INTU: variants seen among roughly 807,000 people sequenced by gnomAD.
The protein encoded by INTU is inturned planar cell polarity protein.
In INTU, 68 loss-of-function variants were observed where a neutral mutation model predicts 100.5. That is an observed-to-expected ratio of 0.68 (90% CI 0.56 to 0.83). The LOEUF (loss-of-function observed/expected upper bound fraction) is 0.83, where lower values mean the gene tolerates loss of function less well. Among genes scored for constraint, INTU ranks in the 40% least tolerant of loss-of-function variants. INTU has a pLI of 0.00. For missense variants in INTU, 1,071 were observed against 1,114.7 expected (o/e 0.96, Z 0.56); for synonymous variants, 357 against 395.7 (o/e 0.90, Z 1.16).
At position 127,669,033 on chromosome 4, in the gene INTU, C is replaced by G; in HGVS notation, c.973-3C>G. On this transcript the variant is annotated splice_polypyrimidine_tract_variant and splice_region_variant and intron_variant, in intron 4 of 15. Coordinates refer to ENST00000335251, the MANE Select transcript of INTU (RefSeq NM_015693.4). The stretch of plus-strand genomic sequence containing the variant: ...TGGTTTGATCATTTGTTTCATTTAA[C>G]AGCAGGAAATTCTTTATCATTATCC... 1.5e-6 allele frequency: 2 copies of G among 1,342,162 alleles called. No homozygotes were observed. The highest frequency in any genetic ancestry group is 2.1e-6 in the Non-Finnish European group (2 of 966,240). 83.1% of individuals were successfully genotyped at this position (1,342,162 alleles called of 1,614,324 possible).
At chr4:127,651,371 A>C (rs1230375333) in intron 2 of INTU, among the ~76,000 whole-genome samples, 2 of 152,196 alleles carry the variant, frequency 1.3e-5, no homozygotes, top group Non-Finnish European at 2.9e-5. Context: ...TTAAGGCTTT[A>C]ATCCATCTTG....
chr4:127,646,242 CA>C (rs1727583153), intron 2 of INTU, among the ~76,000 whole-genome samples: 1 of 151,052 alleles, frequency 6.6e-6, no homozygotes, highest in Non-Finnish European at 1.5e-5. Context: ...ATGACTGGAA[CA>C]GGGGCTAATA....
chr4:127,661,424 T>C (rs1486540893), intron 3 of INTU, among the ~76,000 whole-genome samples: 1 of 152,164 alleles, frequency 6.6e-6, no homozygotes, highest in African/African-American at 2.4e-5. Context: ...CTGGGAAAGA[T>C]GCCTTCCTTG....
rs867337039 is a variant in INTU, at chr4:127,645,464, T to A, written c.682+1408T>A. ...CATCTGCCTGTAACTGCATGAGGAATCCCAAGTGAGAACCACAGCTGACCC... is the reference window on the plus strand; with the variant it reads ...CATCTGCCTGTAACTGCATGAGGAAACCCAAGTGAGAACCACAGCTGACCC... On this transcript the variant is annotated intron_variant, in intron 2 of 15. Coordinates refer to ENST00000335251, the MANE Select transcript of INTU (RefSeq NM_015693.4). Among the ~76,000 whole-genome samples the A allele has an allele frequency of 3.3e-5, 5 of 152,100 alleles. No individual in the cohort carries two copies. In the East Asian group the frequency reaches 7.7e-4, roughly 23 times the overall value.
chr4:127,658,081 A>G (rs903278620), intron 3 of INTU, among the ~76,000 whole-genome samples: 17 of 152,186 alleles, frequency 1.1e-4, no homozygotes, highest in African/African-American at 4.1e-4. Context: ...TCTCAGCTGC[A>G]TCTGATTTGA....
intron 6 of INTU, among the ~76,000 whole-genome samples, chr4:127,679,782 A>T (rs1729428791): frequency 6.7e-6 from 1 of 149,862 alleles, no homozygotes; most frequent in Non-Finnish European, 1.5e-5. Flanking sequence ...ATAGAGACAC[A>T]AAAAACCCTT....
rs1307734549 is a variant in INTU, at chr4:127,683,019, G to A, written c.1182-1390G>A. ...CAACCACACTCTGATGACACCAGCC[G>A]AATCAGCTAGGCAGAGACAGTTTCC... On this transcript the variant is annotated intron_variant, in intron 6 of 15. Transcript: ENST00000335251. Among the ~76,000 whole-genome samples the A allele has an allele frequency of 1.4e-4, 21 of 152,240 alleles. 1 individual carries two copies. The highest frequency in any genetic ancestry group is 3.9e-4 in the East Asian group (2 of 5,172).
Position 127,656,683 on chromosome 4 carries a change from A to G in INTU, c.730A>G (p.Ile244Val), listed in dbSNP as rs1272200759. Residue 244 changes from isoleucine to valine, a missense_variant, in exon 3 of 16, where the codon ATC (isoleucine) becomes GTC (valine). Coordinates refer to ENST00000335251, the MANE Select transcript of INTU (RefSeq NM_015693.4). ...TGATGTCGATGTTACTACTGAAAACATCGAGAGAGTTCTGTCTTGCATTCC... is the reference window on the plus strand; with the variant it reads ...TGATGTCGATGTTACTACTGAAAACGTCGAGAGAGTTCTGTCTTGCATTCC... ...VNDVDVTTEN[I>V]ERVLSCIPGP... The G allele has an allele frequency of 2.5e-6, 4 of 1,611,336 alleles. No homozygotes were observed. The South Asian group carries it at 3.3e-5, about 13-fold the overall frequency.
At chr4:127,677,615 A>G (rs1305522428) in intron 6 of INTU, among the ~76,000 whole-genome samples, 1 of 152,086 alleles carries the variant, frequency 6.6e-6, no homozygotes, top group Non-Finnish European at 1.5e-5. Flanking sequence ...CACCATCATC[A>G]AAGACCAAAA....
chr4:127,664,360 T>C (rs960839867), intron 4 of INTU, among the ~76,000 whole-genome samples: 3 of 152,080 alleles, frequency 2.0e-5, no homozygotes, highest in African/African-American at 7.2e-5. Flanking sequence ...CCAGGTTACC[T>C]TTCAACCTCA....
At position 127,687,687 on chromosome 4, in the gene INTU, C is replaced by G; in HGVS notation, c.1269C>G (p.Cys423Trp). Residue 423 changes from cysteine to tryptophan, a missense_variant, in exon 8 of 16, where the codon TGC becomes TGG. By Grantham distance (215) the Cys-to-Trp change is radical. Coordinates refer to ENST00000335251, the MANE Select transcript of INTU (RefSeq NM_015693.4). ...FMYGSLDSAF[C>W]QIENVPRLDH... ...GCTCTTATTTCTCCAGTGCCTTTTG[C>G]CAGATTGAGAATGTTCCTCGTTTGG... 6.2e-7 allele frequency: 1 copy of G among 1,608,428 alleles called. No individual in the cohort carries two copies. Among genetic ancestry groups the G allele is most frequent in the Non-Finnish European group, 8.5e-7 (1 of 1,175,722 alleles).
At chr4:127,668,725 A>G (rs544246131) in intron 4 of INTU, among the ~76,000 whole-genome samples, 1 of 151,918 alleles carries the variant, frequency 6.6e-6, no homozygotes, top group South Asian at 2.1e-4. Flanking sequence ...ATAAATTATT[A>G]TTAAAGAGAT....
At chr4:127,697,084 C>G (rs1251393956) in intron 8 of INTU, among the ~76,000 whole-genome samples, 5 of 152,168 alleles carry the variant, frequency 3.3e-5, no homozygotes, top group African/African-American at 4.8e-5. Flanking sequence ...TCAGCTTGAA[C>G]AGTAGTTACG....
At position 127,679,898 on chromosome 4, in the gene INTU, G is replaced by A. The variant is rs561613356; in HGVS notation, c.1182-4511G>A. On this transcript the variant is annotated intron_variant, in intron 6 of 15. Coordinates refer to ENST00000335251, the MANE Select transcript of INTU (RefSeq NM_015693.4). ...TAAAAGAGAGAAGAATCAAATAGACGCAATAAAAAATGATAAAGGAGATAT... is the reference window on the plus strand; with the variant it reads ...TAAAAGAGAGAAGAATCAAATAGACACAATAAAAAATGATAAAGGAGATAT... 6.0e-3 allele frequency among the ~76,000 whole-genome samples: 909 copies of A among 152,012 alleles called. 10 individuals are homozygous for A. Among genetic ancestry groups the A allele is most frequent in the African/African-American group, 0.019 (773 of 41,436 alleles).
At chr4:127,648,208 T>G (rs995882960) in intron 2 of INTU, among the ~76,000 whole-genome samples, 2 of 152,194 alleles carry the variant, frequency 1.3e-5, no homozygotes, top group Non-Finnish European at 2.9e-5. Flanking sequence ...CGTGTACTTA[T>G]GGAGAAAGAC....
At chr4:127,633,333 A>G (rs1158846567) in intron 1 of INTU, among the ~76,000 whole-genome samples, 153 bp downstream of exon 1, 2 of 152,094 alleles carry the variant, frequency 1.3e-5, no homozygotes, top group Non-Finnish European at 2.9e-5. Context: ...GTTCCATTGT[A>G]TGGTGGTGTG....
At chr4:127,656,065 C>T (rs1412836272) in intron 2 of INTU, among the ~76,000 whole-genome samples, 1 of 152,224 alleles carries the variant, frequency 6.6e-6, no homozygotes, top group African/African-American at 2.4e-5. Flanking sequence ...GAGGCAATGC[C>T]TCGCCCTGCT....
intron 14 of INTU, among the ~76,000 whole-genome samples, chr4:127,711,632 T>C (rs1161765100): frequency 1.3e-5 from 2 of 152,196 alleles, no homozygotes; most frequent in East Asian, 1.9e-4. Context: ...CTCTGCTTCC[T>C]ATCAAATCAG....
chr4:127,644,137 A>T (rs1727464812), intron 2 of INTU, 81 bp downstream of exon 2: 1 of 1,351,062 alleles, frequency 7.4e-7, no homozygotes, highest in South Asian at 1.4e-5. Flanking sequence ...TGTGATAAAA[A>T]CAATTATATA....
Sources: gnomAD v4.1 joint callset for allele counts (sites outside exome capture counted in the v4.1 genomes callset) on GRCh38, gnomAD v4.1.1 for gene constraint, MANE v1.5 for transcripts, NCBI Gene and HGNC (gene_info 2026-07-23, HGNC 2026-07-21) for gene names.